RBM47: variants seen among roughly 807,000 people sequenced by gnomAD.
RBM47 encodes the protein RNA binding motif protein 47.
Under a neutral mutation model 47.1 loss-of-function variants are expected in RBM47, and 21 were observed. The observed-to-expected ratio is 0.45, with a 90% CI of 0.32 to 0.64. The LOEUF (loss-of-function observed/expected upper bound fraction) is 0.64, where lower values mean the gene tolerates loss of function less well. Among genes scored for constraint, RBM47 ranks in the 30% least tolerant of loss-of-function variants. The pLI, the probability that RBM47 is intolerant of heterozygous loss-of-function variation, is 0.05. For missense variants in RBM47, 708 were observed against 870.9 expected (o/e 0.81, Z 2.35); for synonymous variants, 375 against 361.7 (o/e 1.04, Z -0.42).
intron 1 of RBM47, among the ~76,000 whole-genome samples, chr4:40,616,353 CA>C (rs371710118): frequency 1.3e-3 from 86 of 65,684 alleles, no homozygotes; most frequent in South Asian, 4.1e-3. Context: ...GACTCTGTCT[CA>C]AAAAAAAAAA....
At chr4:40,590,839 G>A (rs1373840977) in intron 1 of RBM47, among the ~76,000 whole-genome samples, 1 of 152,196 alleles carries the variant, frequency 6.6e-6, no homozygotes, top group South Asian at 2.1e-4. Context: ...GTCTCGCACT[G>A]TCACCCACGC....
At chr4:40,487,739 A>G (rs1279692712) in intron 2 of RBM47, among the ~76,000 whole-genome samples, 1 of 151,916 alleles carries the variant, frequency 6.6e-6, no homozygotes, top group Non-Finnish European at 1.5e-5. Flanking sequence ...AATCAAATTT[A>G]ATTGTTATTA....
At chr4:40,526,482 G>A (rs1726723128) in intron 2 of RBM47, among the ~76,000 whole-genome samples, 1 of 150,584 alleles carries the variant, frequency 6.6e-6, no homozygotes, top group Non-Finnish European at 1.5e-5. Flanking sequence ...TTTCTGTCAT[G>A]GGCTAGGTAA....
Position 40,528,988 on chromosome 4 carries a change from T to G in RBM47, c.-155+15434A>C, listed in dbSNP as rs150695395. On this transcript the variant is annotated intron_variant, in intron 2 of 6. Transcript: ENST00000295971. ...AATAAATAAATAAATAAATAAATAA[T>G]AAAGAAAGAAATAATAAAACAGGGC... Among the ~76,000 whole-genome samples the G allele has an allele frequency of 3.1e-3, 464 of 149,150 alleles. 12 individuals are homozygous for G. The East Asian group carries it at 0.05, about 16-fold the overall frequency.
intron 2 of RBM47, among the ~76,000 whole-genome samples, chr4:40,487,682 T>C (rs755570709): frequency 2.6e-5 from 4 of 152,134 alleles, no homozygotes; most frequent in Non-Finnish European, 5.9e-5. Context: ...TTCGTAAGCA[T>C]AGCTACACAA....
intron 5 of RBM47, 111 bp from the exon 6 acceptor site, chr4:40,432,973 T>G (rs1178865189): frequency 7.0e-6 from 10 of 1,430,024 alleles, no homozygotes; most frequent in Non-Finnish European, 9.2e-6. Flanking sequence ...AACTTTTCTT[T>G]TTTTTGAGAC....
intron 1 of RBM47, among the ~76,000 whole-genome samples, chr4:40,589,044 G>T (rs1392436908): frequency 7.2e-6 from 1 of 139,440 alleles, no homozygotes; most frequent in Non-Finnish European, 1.5e-5. Context: ...CGTGATCTCG[G>T]CTCACTGCAA....
chr4:40,515,379 A>AG (rs5857734), intron 2 of RBM47, among the ~76,000 whole-genome samples: 74,375 of 151,860 alleles, frequency 0.49, 20,485 homozygotes, highest in African/African-American at 0.77. Flanking sequence ...TGAGTGGGAC[A>AG]TCTAAGACAT....
chr4:40,622,939 G>C (rs367891950), intron 1 of RBM47, among the ~76,000 whole-genome samples: 4 of 152,112 alleles, frequency 2.6e-5, no homozygotes, highest in Non-Finnish European at 4.4e-5. Context: ...CGGGGAGAGC[G>C]GTGAGGACAA....
chr4:40,547,611 A>G (rs1449903583), intron 1 of RBM47, among the ~76,000 whole-genome samples: 1 of 152,220 alleles, frequency 6.6e-6, no homozygotes, highest in Non-Finnish European at 1.5e-5. Context: ...CACATCCCCC[A>G]ACCTCATCTC....
At chr4:40,447,391 G>A (rs950068245) in intron 3 of RBM47, among the ~76,000 whole-genome samples, 1 of 152,186 alleles carries the variant, frequency 6.6e-6, no homozygotes, top group African/African-American at 2.4e-5. Context: ...AGGCAAACAG[G>A]TAAAGCAGAC....
intron 2 of RBM47, among the ~76,000 whole-genome samples, chr4:40,475,346 C>T (rs546839030): frequency 2.0e-4 from 30 of 152,290 alleles, no homozygotes; most frequent in African/African-American, 6.5e-4. Context: ...ATGGGCAACA[C>T]TGCTGATAAA....
chr4:40,607,253 C>T (rs1367969243), intron 1 of RBM47, among the ~76,000 whole-genome samples: 1 of 152,150 alleles, frequency 6.6e-6, no homozygotes, highest in Non-Finnish European at 1.5e-5. Flanking sequence ...ATAAGCCAGA[C>T]ATGAGAGGCC....
At chr4:40,591,087 G>A (rs1356775157) in intron 1 of RBM47, among the ~76,000 whole-genome samples, 2 of 152,160 alleles carry the variant, frequency 1.3e-5, no homozygotes, top group Non-Finnish European at 1.5e-5. Context: ...ACAGGTATGA[G>A]CCACCACACC....
intron 1 of RBM47, among the ~76,000 whole-genome samples, chr4:40,549,089 T>C (rs1729293497): frequency 6.7e-6 from 1 of 148,182 alleles, no homozygotes; most frequent in Admixed American, 6.7e-5. Flanking sequence ...CACATGACTG[T>C]ACCTCAGTTT....
chr4:40,604,516 A>T (rs1166114391), intron 1 of RBM47, among the ~76,000 whole-genome samples: 1 of 152,144 alleles, frequency 6.6e-6, no homozygotes, highest in Non-Finnish European at 1.5e-5. Flanking sequence ...AGTCTCAGCT[A>T]CTTGGGAGGC....
chr4:40,557,891 C>G (rs1730251470), intron 1 of RBM47, among the ~76,000 whole-genome samples: 1 of 152,206 alleles, frequency 6.6e-6, no homozygotes, highest in African/African-American at 2.4e-5. Context: ...TCCTATTTGG[C>G]AATTTATCAT....
intron 2 of RBM47, among the ~76,000 whole-genome samples, chr4:40,490,293 A>G (rs1231797673): frequency 2.6e-5 from 4 of 152,104 alleles, no homozygotes; most frequent in Non-Finnish European, 5.9e-5. Flanking sequence ...AAAAAAAGGA[A>G]AAAGAAAAAA....
chr4:40,596,276 T>G (rs1488920839), intron 1 of RBM47, among the ~76,000 whole-genome samples: 1 of 151,950 alleles, frequency 6.6e-6, no homozygotes, highest in East Asian at 1.9e-4. Flanking sequence ...TGGATAGAGG[T>G]GGGAGGAGAA....
Sources: allele counts gnomAD v4.1 joint callset (sites outside exome capture counted in the v4.1 genomes callset), GRCh38; gene constraint gnomAD v4.1.1; transcripts MANE v1.5; gene names NCBI Gene and HGNC (gene_info 2026-07-23, HGNC 2026-07-21).